TTC39A: variants seen among roughly 807,000 people sequenced by gnomAD.
TTC39A encodes tetratricopeptide repeat protein 39A.
A neutral mutation model predicts 82.3 loss-of-function variants in TTC39A; 46 were observed. The observed-to-expected ratio is 0.56, with a 90% CI of 0.44 to 0.71. The LOEUF (loss-of-function observed/expected upper bound fraction) is 0.71, where lower values mean the gene tolerates loss of function less well. TTC39A is among the 30% of genes least tolerant of loss of function. The pLI is 0.00. For synonymous variants in TTC39A, 254 were observed against 275.2 expected (o/e 0.92, Z 0.76); for missense variants, 543 against 712.9 (o/e 0.76, Z 2.71).
chr1:51,309,251 C>T lies in TTC39A; in HGVS notation c.488+10G>A, dbSNP rs751929160. The T allele has an allele frequency of 2.5e-6, 4 of 1,601,736 alleles. No individual in the cohort carries two copies. The highest frequency in any genetic ancestry group is 1.3e-5 in the African/African-American group (1 of 74,752). On this transcript the variant is annotated intron_variant, in intron 6 of 17. Coordinates refer to ENST00000680483, the MANE Select transcript of TTC39A (RefSeq NM_001297663.2). ...GGTCTCCCCACAAGCGGATGGCCAG[C>T]CCCACTCACTTGTAGGTCTGGTAGC...
intron 2 of TTC39A, among the ~76,000 whole-genome samples, chr1:51,319,914 T>G (rs1294911505): frequency 6.6e-6 from 1 of 152,172 alleles, no homozygotes; most frequent in African/African-American, 2.4e-5. Context: ...GGTCTTGAAC[T>G]CCTGACCTCA....
rs746029032 is a variant in TTC39A, at chr1:51,312,882, T to C, written c.208A>G (p.Met70Val). ...YATILEMQAMMTFDPQDILLA... is the reference protein window; with the variant it reads ...YATILEMQAMVTFDPQDILLA... The stretch of plus-strand genomic sequence containing the variant: ...AGGATGTCCTGAGGGTCAAAGGTCA[T>C]CATGGCCTGCATCTCCAGGATGGTG... The change falls in exon 3 of 18, where the codon ATG becomes GTG. Residue 70 changes from methionine (M) to valine (V), a missense_variant. Coordinates refer to ENST00000680483, the MANE Select transcript of TTC39A (RefSeq NM_001297663.2). 1.9e-6 allele frequency: 3 copies of C among 1,613,982 alleles called. No homozygotes were observed. The East Asian group carries it at 6.7e-5, about 36-fold the overall frequency.
Position 51,312,166 on chromosome 1 carries a change from G to A in TTC39A, c.308C>T (p.Ser103Phe), listed in dbSNP as rs1436659433. ...RHRRKSSVTD[S>F]FSSLVNRPTL... ...GGGGCGGTTCACCAGGCTGCTGAAGGAATCTGTTACAGAAGACTTCCTCCG... is the reference window on the plus strand; with the variant it reads ...GGGGCGGTTCACCAGGCTGCTGAAGAAATCTGTTACAGAAGACTTCCTCCG... Residue 103 changes from serine to phenylalanine, a missense_variant, in exon 4 of 18, where the codon TCC becomes TTC. By Grantham distance (155) the Ser-to-Phe change is radical (BLOSUM62 -2). Coordinates refer to ENST00000680483, the MANE Select transcript of TTC39A (RefSeq NM_001297663.2). 6.2e-7 allele frequency: 1 copy of A among 1,611,074 alleles called. No individual in the cohort carries two copies. Among genetic ancestry groups the A allele is most frequent in the Non-Finnish European group, 8.5e-7 (1 of 1,178,758 alleles).
intron 1 of TTC39A, among the ~76,000 whole-genome samples, chr1:51,326,787 C>T (rs1181384771): frequency 1.3e-5 from 2 of 152,192 alleles, no homozygotes; most frequent in Non-Finnish European, 2.9e-5. Context: ...GCTGCCCCTG[C>T]GTCTCCAAGA....
chr1:51,305,025 C>T (rs1464633312), intron 8 of TTC39A, 56 bp downstream of exon 8: 1 of 1,595,058 alleles, frequency 6.3e-7, no homozygotes, highest in Admixed American at 1.7e-5. Flanking sequence ...CCCTGTGCAG[C>T]CCAGCCCCAG....
chr1:51,309,861 A>C (rs1173566474), intron 5 of TTC39A, among the ~76,000 whole-genome samples: 1 of 152,194 alleles, frequency 6.6e-6, no homozygotes, highest in African/African-American at 2.4e-5. Flanking sequence ...CAAGGGAATA[A>C]CACACAGGCC....
intron 16 of TTC39A, 133 bp downstream of exon 16, chr1:51,289,872 A>G: frequency 1.5e-6 from 1 of 674,596 alleles, no homozygotes. Context: ...CAGAGTGGAC[A>G]CTGGTTTAGT....
chr1:51,335,385 C>T, upstream of TTC39A: 1 of 139,020 alleles, frequency 7.2e-6, no homozygotes, highest in East Asian at 2.0e-4. Flanking sequence ...CCCACCTCTA[C>T]TAAAAATACA....
chr1:51,295,152 A>G (rs939601213), intron 13 of TTC39A, among the ~76,000 whole-genome samples: 1 of 152,124 alleles, frequency 6.6e-6, no homozygotes, highest in African/African-American at 2.4e-5. Flanking sequence ...GGTCCCCCCA[A>G]ACTCTTCCTT....
intron 2 of TTC39A, among the ~76,000 whole-genome samples, chr1:51,318,827 G>A (rs567953020): frequency 1.3e-5 from 2 of 152,264 alleles, no homozygotes; most frequent in South Asian, 4.2e-4. Context: ...CAGCTCTCTA[G>A]GTCATCCAAA....
intron 2 of TTC39A, among the ~76,000 whole-genome samples, chr1:51,317,095 G>C (rs1001151542): frequency 1.3e-5 from 2 of 152,230 alleles, no homozygotes; most frequent in Non-Finnish European, 2.9e-5. Context: ...CTTATGGAAA[G>C]CAGAGGCAAG....
At chr1:51,341,716 C>CAA (rs1483525586) in intron 1 of TTC39A, among the ~76,000 whole-genome samples, 1 of 151,744 alleles carries the variant, frequency 6.6e-6, no homozygotes, top group Non-Finnish European at 1.5e-5. Context: ...CACACACACA[C>CAA]ACAAAAAAAA....
At chr1:51,302,863 C>T (rs1405425561) in intron 9 of TTC39A, among the ~76,000 whole-genome samples, 1 of 152,172 alleles carries the variant, frequency 6.6e-6, no homozygotes, top group African/African-American at 2.4e-5. Flanking sequence ...GGCACAACCA[C>T]CCCCATTTCA....
rs989358616 is a variant in TTC39A, at chr1:51,290,106, T to C, written c.1392A>G (p.Ser464=). 1 of 1,613,758 alleles carries C rather than the reference T, an allele frequency of 6.2e-7. No homozygotes were observed. Among genetic ancestry groups the C allele is most frequent in the Non-Finnish European group, 8.5e-7 (1 of 1,179,794 alleles). ...MLEKGPENEY[S]VDDECLVKLL... is the part of the protein sequence containing the mutation. ...ATTTCACCAAGCACTCGTCATCCAC[T>C]GAGTACTCGTTCTCTGAAAATAGGG... The change falls in exon 16 of 18, where the codon TCA becomes TCG. Residue 464 remains serine, a synonymous_variant. Transcript: ENST00000680483.
At chr1:51,337,501 ACTGCAACCTCAGCCTC>A (rs1645989619) in intron 1 of TTC39A, among the ~76,000 whole-genome samples, 1 of 137,280 alleles carries the variant, frequency 7.3e-6, no homozygotes, top group African/African-American at 2.8e-5. Flanking sequence ...TCTTCGGCCC[ACTGCAACCTCAGCCTC>A]CCGGGTTCAA....
chr1:51,312,044 A>C, intron 4 of TTC39A, 75 bp downstream of exon 4: 1 of 1,489,834 alleles, frequency 6.7e-7, no homozygotes, highest in East Asian at 2.4e-5. Flanking sequence ...GACAGGGAAG[A>C]AAACTGCCCC....
intron 14 of TTC39A, 54 bp from the exon 15 acceptor site, chr1:51,290,679 T>A: frequency 6.8e-7 from 1 of 1,463,370 alleles, no homozygotes. Context: ...GGGGCCTCAG[T>A]TTTCCCATCT....
intron 1 of TTC39A, among the ~76,000 whole-genome samples, chr1:51,329,141 A>C (rs1266182369): frequency 6.6e-6 from 1 of 152,190 alleles, no homozygotes; most frequent in Non-Finnish European, 1.5e-5. Context: ...GCAGGGATGT[A>C]AGCATATAAG....
Position 51,321,678 on chromosome 1 carries a change from C to T in TTC39A, c.146+43G>A, listed in dbSNP as rs1283351506. ...ATACAAGACCTCTGGTTCTCCCTGA[C>T]CGTCATGCACACCCCCTACCCCAAC... is the stretch of plus-strand genomic sequence containing the variant. On this transcript the variant is annotated intron_variant, in intron 2 of 17. Coordinates refer to ENST00000680483, the MANE Select transcript of TTC39A (RefSeq NM_001297663.2). The surrounding 1 kb of genome is among the most constrained non-coding windows in gnomAD (Gnocchi z 4.6). 1 of 1,581,950 alleles carries T rather than the reference C, an allele frequency of 6.3e-7. No individual in the cohort carries two copies. The highest frequency in any genetic ancestry group is 8.7e-7 in the Non-Finnish European group (1 of 1,155,668).
Sources: allele counts gnomAD v4.1 joint callset (sites outside exome capture counted in the v4.1 genomes callset), GRCh38; gene constraint gnomAD v4.1.1; non-coding constraint Gnocchi (gnomAD v3.1); transcripts MANE v1.5; gene names NCBI Gene and HGNC (gene_info 2026-07-23, HGNC 2026-07-21).